LUZP2: variants seen among roughly 807,000 people sequenced by gnomAD.
LUZP2 encodes leucine zipper protein 2.
In LUZP2, 52 loss-of-function variants were observed where a neutral mutation model predicts 51.6. The ratio of observed to expected loss-of-function variants is 1.01; its 90% CI spans 0.81 to 1.27. The LOEUF (loss-of-function observed/expected upper bound fraction) is 1.27. LUZP2 is among the 50% of genes most tolerant of loss of function. The probability of loss-of-function intolerance (pLI) is 0.00; values close to 1 mark genes in which losing one functional copy is unlikely to be tolerated. For missense variants in LUZP2, 436 were observed against 395.4 expected (o/e 1.10, Z -0.87); for synonymous variants, 154 against 137.3 (o/e 1.12, Z -0.85).
chr11:24,635,847 A>G (rs774529101), intron 1 of LUZP2, among the ~76,000 whole-genome samples: 1 of 152,126 alleles, frequency 6.6e-6, no homozygotes, highest in African/African-American at 2.4e-5. Flanking sequence ...ACTTTACTTG[A>G]AATACAAGGC....
intron 7 of LUZP2, among the ~76,000 whole-genome samples, chr11:24,951,217 C>T (rs1054501432): frequency 6.6e-6 from 1 of 151,464 alleles, no homozygotes; most frequent in African/African-American, 2.4e-5. Flanking sequence ...ATTAAAGCAA[C>T]GTTGGGCCAC....
intron 1 of LUZP2, among the ~76,000 whole-genome samples, chr11:24,712,319 G>T (rs950681350): frequency 2.0e-5 from 3 of 151,978 alleles, no homozygotes; most frequent in Admixed American, 1.3e-4. Flanking sequence ...TACTCAGTAG[G>T]CTAAGGCATG....
At chr11:24,537,836 C>A (rs1320881192) in intron 1 of LUZP2, among the ~76,000 whole-genome samples, 1 of 151,826 alleles carries the variant, frequency 6.6e-6, no homozygotes, top group East Asian at 1.9e-4. Context: ...GAGCTTTATC[C>A]TTAAACAAAC....
chr11:24,525,703 T>C (rs988128708), intron 1 of LUZP2, among the ~76,000 whole-genome samples: 2 of 150,064 alleles, frequency 1.3e-5, no homozygotes, highest in African/African-American at 5.0e-5. Context: ...TCTAATATGT[T>C]CTCTCTCTAT....
chr11:24,599,351 C>T (rs1375170394), intron 1 of LUZP2, among the ~76,000 whole-genome samples: 1 of 152,044 alleles, frequency 6.6e-6, no homozygotes, highest in Non-Finnish European at 1.5e-5. Context: ...CCCACCATAC[C>T]ATCACTGCCC....
chr11:24,974,015 C>G (rs1855819332), intron 7 of LUZP2, among the ~76,000 whole-genome samples: 1 of 151,922 alleles, frequency 6.6e-6, no homozygotes, highest in South Asian at 2.1e-4. Context: ...GGTGATGTGT[C>G]TAATATTGTC....
chr11:24,960,100 C>A (rs1376551033), intron 7 of LUZP2, among the ~76,000 whole-genome samples: 7 of 152,130 alleles, frequency 4.6e-5, no homozygotes, highest in African/African-American at 1.7e-4. Flanking sequence ...GGGATGAAGC[C>A]CACTTGATCA....
At chr11:24,970,031 C>G (rs140709365) in intron 7 of LUZP2, among the ~76,000 whole-genome samples, 4 of 152,052 alleles carry the variant, frequency 2.6e-5, no homozygotes, top group Non-Finnish European at 2.9e-5. Flanking sequence ...AATGGTTTAC[C>G]GAGCTGAATT....
At chr11:24,898,521 C>G (rs564379470) in intron 5 of LUZP2, among the ~76,000 whole-genome samples, 2 of 151,968 alleles carry the variant, frequency 1.3e-5, no homozygotes, top group South Asian at 4.1e-4. Flanking sequence ...TACGCGGGAG[C>G]CTGAGGCAGG....
intron 1 of LUZP2, among the ~76,000 whole-genome samples, chr11:24,713,016 T>C (rs570270490): frequency 2.6e-5 from 4 of 152,294 alleles, no homozygotes; most frequent in South Asian, 4.1e-4. Flanking sequence ...GAGACTTTTC[T>C]AGACATCTTT....
chr11:25,071,312 G>A (rs1184131130), intron 10 of LUZP2, among the ~76,000 whole-genome samples: 1 of 151,744 alleles, frequency 6.6e-6, no homozygotes, highest in Non-Finnish European at 1.5e-5. Flanking sequence ...GAGTTAACGG[G>A]TGCAGCACAC....
intron 9 of LUZP2, among the ~76,000 whole-genome samples, chr11:25,024,737 T>A (rs913514023): frequency 6.6e-6 from 1 of 151,440 alleles, no homozygotes; most frequent in Non-Finnish European, 1.5e-5. Flanking sequence ...AATTTATAGA[T>A]TCAATGCCAT....
intron 5 of LUZP2, among the ~76,000 whole-genome samples, chr11:24,860,780 C>T (rs1049511840): frequency 6.6e-6 from 1 of 152,014 alleles, no homozygotes; most frequent in Non-Finnish European, 1.5e-5. Flanking sequence ...ACAAAAGGCC[C>T]CCCCAAAAAC....
chr11:24,503,258 A>G (rs1383002319), intron 1 of LUZP2, among the ~76,000 whole-genome samples: 4 of 152,212 alleles, frequency 2.6e-5, no homozygotes, highest in East Asian at 1.9e-4. Flanking sequence ...TTATTTTGCT[A>G]TAGATTACTG....
intron 9 of LUZP2, among the ~76,000 whole-genome samples, chr11:25,049,406 AG>A (rs1419225595): frequency 5.3e-5 from 8 of 152,182 alleles, no homozygotes. Context: ...TACAACAATT[AG>A]GGCATACCCT....
At chr11:24,811,767 A>G (rs1435987333) in intron 5 of LUZP2, among the ~76,000 whole-genome samples, 1 of 152,086 alleles carries the variant, frequency 6.6e-6, no homozygotes. Context: ...TGTCCTGCCT[A>G]GATTAGATAA....
intron 5 of LUZP2, among the ~76,000 whole-genome samples, chr11:24,766,777 T>C (rs144003984): frequency 2.0e-5 from 3 of 152,348 alleles, no homozygotes; most frequent in East Asian, 1.9e-4. Flanking sequence ...GTTTCTTTAC[T>C]GTTTTTCTTA....
intron 5 of LUZP2, among the ~76,000 whole-genome samples, chr11:24,878,499 T>C (rs543254475): frequency 1.3e-5 from 2 of 152,258 alleles, no homozygotes; most frequent in East Asian, 1.9e-4. Flanking sequence ...CTTTGGGAGT[T>C]TGACTATTAA....
At chr11:24,909,613 G>A (rs761634941) in intron 6 of LUZP2, among the ~76,000 whole-genome samples, 26 of 152,160 alleles carry the variant, frequency 1.7e-4, no homozygotes, top group Non-Finnish European at 3.5e-4. Flanking sequence ...CTGTGCATTT[G>A]AAATTGTGAG....
Sources: gnomAD v4.1 joint callset for allele counts (sites outside exome capture counted in the v4.1 genomes callset) on GRCh38, gnomAD v4.1.1 for gene constraint, MANE v1.5 for transcripts, NCBI Gene and HGNC (gene_info 2026-07-23, HGNC 2026-07-21) for gene names.